Variants in ADGRL2 observed in about 807,000 individuals in gnomAD.
ADGRL2 encodes the protein adhesion G protein-coupled receptor L2, also known as calcium-independent alpha-latrotoxin receptor 2.
A neutral mutation model predicts 157.4 loss-of-function variants in ADGRL2; 44 were observed. That is an observed-to-expected ratio of 0.28 (90% CI 0.22 to 0.36). ADGRL2 has a LOEUF of 0.36. ADGRL2 is among the 10% of genes least tolerant of loss of function. The pLI is 1.00. For missense variants in ADGRL2, 1,510 were observed against 1,768.9 expected, an observed-to-expected ratio of 0.85 and a Z score of 2.63; for synonymous variants, 585 against 624.7, an observed-to-expected ratio of 0.94 and a Z score of 0.95.
At chr1:81,985,207 A>G in intron 20 of ADGRL2, 52 bp from the exon 21 acceptor site, 2 of 1,025,572 alleles carry the variant, frequency 2.0e-6, no homozygotes, top group Non-Finnish European at 3.0e-6. Context: ...TTAATAAGGT[A>G]AGTTTGGGGA....
intron 2 of ADGRL2, among the ~76,000 whole-genome samples, chr1:81,467,940 T>C (rs1054672082): frequency 1.3e-5 from 2 of 152,148 alleles, no homozygotes; most frequent in African/African-American, 4.8e-5. Context: ...ATAATATGGA[T>C]AGGAACAGAA....
chr1:81,377,473 T>C (rs76244100), intron 1 of ADGRL2, among the ~76,000 whole-genome samples: 5 of 152,076 alleles, frequency 3.3e-5, no homozygotes, highest in African/African-American at 1.2e-4. Context: ...AAAAATCATA[T>C]CCAGTTAGTG....
At chr1:81,832,163 A>G (rs921333870) in intron 1 of ADGRL2, among the ~76,000 whole-genome samples, 1 of 152,282 alleles carries the variant, frequency 6.6e-6, no homozygotes, top group Middle Eastern at 3.4e-3. Flanking sequence ...TCTTTTTGAT[A>G]TGGAGTCTCA....
At chr1:81,725,258 C>T (rs1047476844) in intron 1 of ADGRL2, among the ~76,000 whole-genome samples, 4 of 140,622 alleles carry the variant, frequency 2.8e-5, no homozygotes, top group East Asian at 2.2e-4. Context: ...TTGCATTTGA[C>T]GCCAGGCACG....
chr1:81,907,169 C>T lies in ADGRL2; in HGVS notation c.226C>T (p.Pro76Ser). ...RTDDKICDAD[P>S]FQMENTDCYL... The stretch of plus-strand genomic sequence containing the variant: ...GGATGACAAGATTTGTGATGCTGAC[C>T]CATTTCAGATGGAGAATACAGACTG... The change falls in exon 3 of 24, where the codon CCA becomes TCA. Residue 76 changes from proline (P) to serine (S), a missense_variant. Around this residue, in one of 4 missense-constraint regions of ADGRL2, gnomAD observed 361 missense variants for 498.4 expected, o/e 0.72. Coordinates refer to ENST00000686636, the MANE Select transcript of ADGRL2 (RefSeq NM_001366006.2). 8.7e-6 allele frequency: 14 copies of T among 1,613,956 alleles called. No homozygotes were observed. Among genetic ancestry groups the T allele is most frequent in the Non-Finnish European group, 1.2e-5 (14 of 1,179,976 alleles).
intron 2 of ADGRL2, among the ~76,000 whole-genome samples, chr1:81,519,445 A>G (rs928852343): frequency 6.6e-6 from 1 of 152,214 alleles, no homozygotes; most frequent in African/African-American, 2.4e-5. Flanking sequence ...CAAGAAAAGA[A>G]TCTTTAGCAG....
chr1:81,427,556 G>T (rs1229099943), intron 1 of ADGRL2: 2 of 744,850 alleles, frequency 2.7e-6, no homozygotes, highest in African/African-American at 1.7e-5. Context: ...TCATCCCTAT[G>T]ATGGTGGTTA....
chr1:81,340,137 G>C (rs1457974852), intron 1 of ADGRL2, among the ~76,000 whole-genome samples: 1 of 152,110 alleles, frequency 6.6e-6, no homozygotes, highest in South Asian at 2.1e-4. Context: ...ATTTGCAAGA[G>C]GGTGCTTTTT....
chr1:81,352,797 A>T (rs115794123), intron 1 of ADGRL2, among the ~76,000 whole-genome samples: 2,053 of 152,302 alleles, frequency 0.013, 50 homozygotes, highest in African/African-American at 0.047. Context: ...GAGTTAAAGC[A>T]GTAGCAATGG....
chr1:81,480,263 C>T (rs2078357656), intron 2 of ADGRL2, among the ~76,000 whole-genome samples: 1 of 152,108 alleles, frequency 6.6e-6, no homozygotes, highest in Non-Finnish European at 1.5e-5. Flanking sequence ...TTATAATAGA[C>T]AAAATCATAC....
intron 2 of ADGRL2, among the ~76,000 whole-genome samples, chr1:81,535,824 A>G (rs1455643735): frequency 6.6e-6 from 1 of 152,192 alleles, no homozygotes; most frequent in Non-Finnish European, 1.5e-5. Context: ...GCTCCTGCAA[A>G]GTAGGTTTGA....
At chr1:81,502,985 C>T (rs2148026526) in intron 2 of ADGRL2, 1 of 1,613,432 alleles carries the variant, frequency 6.2e-7, no homozygotes, top group Non-Finnish European at 8.5e-7. Flanking sequence ...GTGGCTGTGC[C>T]AAATCGTCTG....
chr1:81,581,512 G>A (rs1340340601), intron 3 of ADGRL2, among the ~76,000 whole-genome samples: 1 of 152,108 alleles, frequency 6.6e-6, no homozygotes, highest in Non-Finnish European at 1.5e-5. Context: ...ATCCCAGAAA[G>A]CATTAGCTCG....
intron 1 of ADGRL2, among the ~76,000 whole-genome samples, chr1:81,318,327 G>T (rs895136620): frequency 1.3e-5 from 2 of 152,120 alleles, no homozygotes; most frequent in Non-Finnish European, 2.9e-5. Context: ...TTATAACTCT[G>T]CATTTTGATA....
At chr1:81,628,767 C>A (rs1028224646) in intron 3 of ADGRL2, among the ~76,000 whole-genome samples, 20 of 152,152 alleles carry the variant, frequency 1.3e-4, no homozygotes, top group Non-Finnish European at 2.5e-4. Flanking sequence ...AATCAAATGG[C>A]ATGCATATGT....
intron 1 of ADGRL2, among the ~76,000 whole-genome samples, chr1:81,413,126 C>T (rs1415773849): frequency 1.3e-5 from 2 of 152,146 alleles, no homozygotes; most frequent in East Asian, 1.9e-4. Context: ...GCACTGCATT[C>T]CTGACTCCCT....
chr1:81,356,841 T>C (rs1452405467), intron 1 of ADGRL2, among the ~76,000 whole-genome samples: 1 of 150,852 alleles, frequency 6.6e-6, no homozygotes, highest in Non-Finnish European at 1.5e-5. Flanking sequence ...TAGTCCCAGC[T>C]ACTCGGGAGG....
intron 3 of ADGRL2, among the ~76,000 whole-genome samples, chr1:81,683,655 A>ATG (rs142461133): frequency 0.15 from 22,682 of 150,780 alleles, 2,085 homozygotes; most frequent in South Asian, 0.25. Flanking sequence ...GTATTCCATT[A>ATG]TGTGTGTGTG....
chr1:81,343,706 CAGAG>C (rs536563720), intron 1 of ADGRL2, among the ~76,000 whole-genome samples: 2 of 150,616 alleles, frequency 1.3e-5, no homozygotes, highest in Non-Finnish European at 3.0e-5. Context: ...GAGAGTGTGA[CAGAG>C]AGAGAGAGAG....
Sources: allele counts gnomAD v4.1 joint callset (sites outside exome capture counted in the v4.1 genomes callset), GRCh38; gene constraint gnomAD v4.1.1; regional missense constraint gnomAD v4.1.1; transcripts MANE v1.5; gene names NCBI Gene and HGNC (gene_info 2026-07-23, HGNC 2026-07-21).